Variants in NVL observed in about 807,000 individuals in gnomAD.
NVL encodes the protein nuclear VCP like, also known as nuclear valosin-containing protein-like.
Under a neutral mutation model 110.2 loss-of-function variants are expected in NVL, and 84 were observed. The observed-to-expected ratio is 0.76, with a 90% CI of 0.64 to 0.91. The LOEUF is 0.91. Ranked by LOEUF, NVL falls within the 40% of genes least tolerant of loss-of-function variation. NVL has a pLI of 0.00. For synonymous variants in NVL, 354 were observed against 361.1 expected (o/e 0.98, Z 0.22); for missense variants, 882 against 1,035.9 (o/e 0.85, Z 2.04).
chr1:224,286,262 G>T, intron 14 of NVL, 132 bp from the exon 15 acceptor site: 2 of 661,348 alleles, frequency 3.0e-6, no homozygotes, highest in Non-Finnish European at 2.6e-6. Context: ...CTAGAGTGCA[G>T]TGGTGCTATC....
At chr1:224,268,261 T>C in intron 17 of NVL, 128 bp from the exon 18 acceptor site, 2 of 665,190 alleles carry the variant, frequency 3.0e-6, no homozygotes, top group Non-Finnish European at 5.2e-6. Flanking sequence ...GAGGCGTCAC[T>C]ATATGCAGAC....
intron 16 of NVL, 53 bp downstream of exon 16, chr1:224,281,070 C>T: frequency 6.8e-6 from 10 of 1,469,678 alleles, no homozygotes; most frequent in South Asian, 1.1e-5. Flanking sequence ...CCGTAATTTG[C>T]ATGACCATTA....
Position 224,326,397 on chromosome 1 carries a change from A to G in NVL, c.125T>C (p.Val42Ala). 6.2e-7 allele frequency: 1 copy of G among 1,608,656 alleles called. No homozygotes were observed. The highest frequency in any genetic ancestry group is 8.5e-7 in the Non-Finnish European group (1 of 1,176,116). The change falls in exon 2 of 23, where the codon GTG becomes GCG. Residue 42 changes from valine (V) to alanine (A), a missense_variant. Val to Ala is a moderately conservative substitution (Grantham distance 64). Around this residue, in one of 4 missense-constraint regions of NVL, gnomAD observed 274 missense variants for 268.4 expected, o/e 1.02. Transcript: ENST00000281701. Reference sequence around the variant, plus strand: ...GGAAACTATATTTATTTACCTGTACACTCTTTGTAAATCAGACGCTAAGAC... The same window carrying G: ...GGAAACTATATTTATTTACCTGTACGCTCTTTGTAAATCAGACGCTAAGAC... ...IGVLASDLQR[V>A]YSIDYGRRKR...
At chr1:224,244,094 G>A (rs752048968) in intron 19 of NVL, among the ~76,000 whole-genome samples, 12 of 151,908 alleles carry the variant, frequency 7.9e-5, no homozygotes, top group Non-Finnish European at 1.6e-4. Context: ...GGGGCCGGGC[G>A]TGGTGGCTCA....
At chr1:224,256,103 A>G (rs1288716162) in intron 18 of NVL, among the ~76,000 whole-genome samples, 1 of 152,078 alleles carries the variant, frequency 6.6e-6, no homozygotes, top group African/African-American at 2.4e-5. Flanking sequence ...GCCAATTACC[A>G]TGCCGTTGAA....
chr1:224,231,507 C>T (rs1310301743), intron 21 of NVL, among the ~76,000 whole-genome samples: 1 of 152,156 alleles, frequency 6.6e-6, no homozygotes, highest in Non-Finnish European at 1.5e-5. Context: ...AGATCTGCCA[C>T]TCATAAGTTG....
intron 9 of NVL, among the ~76,000 whole-genome samples, chr1:224,301,156 C>A (rs1454362628): frequency 6.6e-6 from 1 of 151,792 alleles, no homozygotes; most frequent in Non-Finnish European, 1.5e-5. Flanking sequence ...AAGTGGATAC[C>A]TTCAACTTGT....
At chr1:224,303,931 G>C in intron 8 of NVL, 74 bp from the exon 9 acceptor site, 1 of 1,490,780 alleles carries the variant, frequency 6.7e-7, no homozygotes, top group Non-Finnish European at 9.0e-7. Flanking sequence ...CTATTTTTCG[G>C]AGCAGTGAAA....
At chr1:224,255,091 C>T (rs531961800) in intron 18 of NVL, among the ~76,000 whole-genome samples, 31 of 150,338 alleles carry the variant, frequency 2.1e-4, no homozygotes, top group Admixed American at 8.0e-4. Context: ...AGGATGGTCT[C>T]GATCTCCTGA....
intron 16 of NVL, among the ~76,000 whole-genome samples, chr1:224,278,235 T>C (rs1665963672): frequency 6.8e-6 from 1 of 146,398 alleles, no homozygotes; most frequent in Admixed American, 6.8e-5. Flanking sequence ...TCTTTTTTTT[T>C]TTTTTTTTTT....
intron 18 of NVL, among the ~76,000 whole-genome samples, chr1:224,266,359 A>T (rs529248838): frequency 1.7e-4 from 26 of 152,204 alleles, no homozygotes; most frequent in Non-Finnish European, 3.1e-4. Flanking sequence ...TAAATGTCCA[A>T]AGATAGGGTA....
chr1:224,238,459 C>A (rs1660783864), intron 19 of NVL, among the ~76,000 whole-genome samples: 2 of 152,222 alleles, frequency 1.3e-5, no homozygotes, highest in Non-Finnish European at 2.9e-5. Context: ...TGCCCACACT[C>A]ACATACCAGC....
At chr1:224,288,785 T>C (rs771132422) in intron 13 of NVL, among the ~76,000 whole-genome samples, 3 of 152,154 alleles carry the variant, frequency 2.0e-5, no homozygotes, top group South Asian at 2.1e-4. Flanking sequence ...TCAAATTATA[T>C]AACATACAGA....
intron 22 of NVL, among the ~76,000 whole-genome samples, chr1:224,230,160 C>G (rs1475870243): frequency 1.3e-5 from 2 of 152,166 alleles, no homozygotes; most frequent in African/African-American, 4.8e-5. Context: ...AACCCTTCTC[C>G]CACCTATGGT....
chr1:224,328,750 T>G (rs1671395743), intron 1 of NVL, among the ~76,000 whole-genome samples: 1 of 152,094 alleles, frequency 6.6e-6, no homozygotes, highest in Non-Finnish European at 1.5e-5. Flanking sequence ...GTAGTATCAT[T>G]TACTGAGATA....
At chr1:224,290,463 C>T (rs751670453) in intron 12 of NVL, among the ~76,000 whole-genome samples, 5 of 151,910 alleles carry the variant, frequency 3.3e-5, no homozygotes, top group African/African-American at 7.3e-5. Context: ...TTGAGATTAG[C>T]CTGGCCAACA....
At chr1:224,281,828 C>T (rs570852171) in intron 15 of NVL, among the ~76,000 whole-genome samples, 14 of 151,004 alleles carry the variant, frequency 9.3e-5, no homozygotes, top group African/African-American at 3.4e-4. Flanking sequence ...TGGCATGTAC[C>T]TATAGTCTCA....
intron 19 of NVL, among the ~76,000 whole-genome samples, chr1:224,247,626 A>G (rs1371967186): frequency 1.3e-5 from 2 of 151,650 alleles, no homozygotes; most frequent in African/African-American, 2.4e-5. Context: ...CCGAGGTGGC[A>G]CCACTGCACT....
chr1:224,271,428 G>GCCTT (rs1197830890), intron 17 of NVL, among the ~76,000 whole-genome samples: 6 of 152,130 alleles, frequency 3.9e-5, no homozygotes, highest in Admixed American at 2.6e-4. Context: ...GCTCAAGGCA[G>GCCTT]CAGGCAGTGA....
Sources: allele counts gnomAD v4.1 joint callset (sites outside exome capture counted in the v4.1 genomes callset), GRCh38; gene constraint gnomAD v4.1.1; regional missense constraint gnomAD v4.1.1; transcripts MANE v1.5; gene names NCBI Gene and HGNC (gene_info 2026-07-23, HGNC 2026-07-21).